Variants in PECAM1 observed in about 807,000 individuals in gnomAD.
PECAM1 encodes the protein platelet endothelial cell adhesion molecule.
Under a neutral mutation model 13.8 loss-of-function variants are expected in PECAM1, and 8 were observed. That is an observed-to-expected ratio of 0.58 (90% CI 0.34 to 1.05). The LOEUF (loss-of-function observed/expected upper bound fraction) is 1.05, where lower values mean the gene tolerates loss of function less well. PECAM1 is among the 50% of genes least tolerant of loss of function. PECAM1 has a pLI of 0.03. For synonymous variants in PECAM1, 136 were observed against 52.6 expected (o/e 2.58, Z -6.86); for missense variants, 304 against 141.2 (o/e 2.15, Z -5.84).
At chr17:64,331,268 C>A (rs2035110747) in intron 14 of PECAM1, among the ~76,000 whole-genome samples, 2 of 151,798 alleles carry the variant, frequency 1.3e-5, no homozygotes, top group African/African-American at 4.8e-5. Context: ...TCACTGCAAC[C>A]TCCATTTCCT....
Position 64,323,547 on chromosome 17 carries a change from C to T in PECAM1, c.*269G>A. The T allele has an allele frequency of 7.1e-7, 1 of 1,404,880 alleles. No individual in the cohort carries two copies. Among genetic ancestry groups the T allele is most frequent in the Non-Finnish European group, 9.2e-7 (1 of 1,081,826 alleles). The allele number at this position is 1,404,880 out of a possible 1,614,324, so 87.0% of individuals were successfully genotyped here. ...TCCCAATGGCCTTGCCCTGGATCTCCTCTTGTGCTCTTCCAATTTCCAAGG... is the reference window on the plus strand; with the variant it reads ...TCCCAATGGCCTTGCCCTGGATCTCTTCTTGTGCTCTTCCAATTTCCAAGG... On this transcript the variant is annotated 3_prime_UTR_variant, in exon 16 of 16. Transcript: ENST00000563924.
In PECAM1 at chr17:64,344,765, A is replaced by G. The variant is rs1598012476; in HGVS notation, c.2108-3075T>C. On this transcript the variant is annotated intron_variant, in intron 13 of 15. Transcript: ENST00000563924. ...CTGAGGCTCAGGCCTGACTTCCCAC[A>G]CTGCTCCTTAGCTGCCAAGGAGGAG... Among the ~76,000 whole-genome samples the G allele has an allele frequency of 3.3e-5, 5 of 152,140 alleles. No individual in the cohort carries two copies. The East Asian group carries it at 5.8e-4, about 18-fold the overall frequency.
chr17:64,360,732 G>T (rs1307527511), intron 6 of PECAM1, among the ~76,000 whole-genome samples: 7 of 150,950 alleles, frequency 4.6e-5, no homozygotes. Flanking sequence ...TATCTCACAC[G>T]CACATGCACA....
Position 64,321,826 on chromosome 17 carries a change from G to A in PECAM1, c.*1990C>T. The A allele has an allele frequency of 1.5e-6, 2 of 1,347,550 alleles. No homozygotes were observed. Among genetic ancestry groups the A allele is most frequent in the Non-Finnish European group, 2.0e-6 (2 of 1,018,018 alleles). The allele number at this position is 1,347,550 out of a possible 1,614,324, so 83.5% of individuals were successfully genotyped here. A position where few individuals can be genotyped will look rare whatever the true frequency, so the allele number is the denominator to read the frequency against. On this transcript the variant is annotated 3_prime_UTR_variant, in exon 16 of 16. Transcript: ENST00000563924. The stretch of plus-strand genomic sequence containing the variant: ...AAGTAAGGCACCAGGAGTAGGAATA[G>A]GGTCTTTGCAGCTCCCGTGGCAATT...
chr17:64,376,773 G>C (rs942143172), intron 3 of PECAM1, among the ~76,000 whole-genome samples: 2 of 152,096 alleles, frequency 1.3e-5, no homozygotes, highest in African/African-American at 4.8e-5. Flanking sequence ...TTAGGAGTTC[G>C]AGACCAGGCT....
In PECAM1 at chr17:64,322,084, T is replaced by G. The variant is rs2034820507; in HGVS notation, c.*1732A>C. On this transcript the variant is annotated 3_prime_UTR_variant, in exon 16 of 16. Coordinates refer to ENST00000563924, the MANE Select transcript of PECAM1 (RefSeq NM_000442.5). Reference sequence around the variant, plus strand: ...AGCTTTCATCATATTGTCAAAAGAGTCTAGGCTGGGCATGGTGGCTCACGC... The same window carrying G: ...AGCTTTCATCATATTGTCAAAAGAGGCTAGGCTGGGCATGGTGGCTCACGC... 9.0e-7 allele frequency: 1 copy of G among 1,114,130 alleles called. No homozygotes were observed. Among genetic ancestry groups the G allele is most frequent in the Non-Finnish European group, 1.1e-6 (1 of 895,226 alleles). The allele number at this position is 1,114,130 out of a possible 1,614,324, so 69.0% of individuals were successfully genotyped here.
chr17:64,355,768 G>C (rs2035831641), intron 8 of PECAM1, among the ~76,000 whole-genome samples: 1 of 152,128 alleles, frequency 6.6e-6, no homozygotes, highest in South Asian at 2.1e-4. Context: ...ACCCACATAA[G>C]TGGGTTCCCC....
intron 5 of PECAM1, among the ~76,000 whole-genome samples, chr17:64,363,741 G>A (rs1431432598): frequency 3.9e-5 from 6 of 152,110 alleles, no homozygotes; most frequent in Non-Finnish European, 7.4e-5. Flanking sequence ...GAGGTCAGGA[G>A]TTGAGACCAG....
In PECAM1 at chr17:64,384,831, G is replaced by A. The variant is rs2036558812; in HGVS notation, c.91+5658C>T. ...TAAGTTTTAGGTAAATTGTTATGCA[G>A]CAATAGGTAACAAATATACCACGCA... On this transcript the variant is annotated intron_variant, in intron 2 of 15. Coordinates refer to ENST00000563924, the MANE Select transcript of PECAM1 (RefSeq NM_000442.5). Among the ~76,000 whole-genome samples, 4 of 152,364 alleles carry A rather than the reference G, an allele frequency of 2.6e-5. No individual in the cohort carries two copies. In the South Asian group the frequency reaches 8.3e-4, roughly 32 times the overall value.
intron 2 of PECAM1, among the ~76,000 whole-genome samples, chr17:64,385,890 A>G (rs2036582683): frequency 6.6e-6 from 1 of 152,222 alleles, no homozygotes; most frequent in Admixed American, 6.5e-5. Flanking sequence ...GTGTGGGGCT[A>G]GAGAGGCCAG....
At chr17:64,364,839 T>A (rs1190808216) in intron 5 of PECAM1, among the ~76,000 whole-genome samples, 3 of 150,860 alleles carry the variant, frequency 2.0e-5, no homozygotes, top group African/African-American at 7.3e-5. Flanking sequence ...ATAAGAGCTA[T>A]CTATGACAAA....
chr17:64,361,729 G>C (rs2035985714), intron 6 of PECAM1, among the ~76,000 whole-genome samples: 1 of 97,576 alleles, frequency 1.0e-5, no homozygotes, highest in African/African-American at 3.2e-5. Flanking sequence ...CTCCAGCCTG[G>C]GTAACAAGAG....
intron 7 of PECAM1, among the ~76,000 whole-genome samples, chr17:64,357,744 C>A (rs1241731805): frequency 6.6e-6 from 1 of 152,152 alleles, no homozygotes; most frequent in Admixed American, 6.5e-5. Flanking sequence ...TCCATTGGAG[C>A]AATTTACTAC....
At position 64,358,145 on chromosome 17, in the gene PECAM1, G is replaced by A. The variant is rs1159774213; in HGVS notation, c.1493-1747C>T. On this transcript the variant is annotated intron_variant, in intron 7 of 15. Coordinates refer to ENST00000563924, the MANE Select transcript of PECAM1 (RefSeq NM_000442.5). ...TTTTTTTTTTTTTTTTTGAGATAGA[G>A]TCTCACTCTGTCACCCAGGCTGGAG... 2.2e-3 allele frequency among the ~76,000 whole-genome samples: 210 copies of A among 94,566 alleles called. 2 individuals are homozygous for A. The highest frequency in any genetic ancestry group is 7.3e-3 in the African/African-American group (201 of 27,590). 62.0% of individuals were successfully genotyped at this position (94,566 alleles called of 152,430 possible). A position where few individuals can be genotyped will look rare whatever the true frequency, so the allele number is the denominator to read the frequency against.
intron 5 of PECAM1, among the ~76,000 whole-genome samples, chr17:64,367,519 C>T (rs1439157588): frequency 7.0e-6 from 1 of 142,878 alleles, no homozygotes; most frequent in Non-Finnish European, 1.5e-5. Flanking sequence ...CACTTCACTG[C>T]AGCCTGGGCA....
At chr17:64,368,519 C>T (rs2036162991) in intron 5 of PECAM1, among the ~76,000 whole-genome samples, 1 of 152,026 alleles carries the variant, frequency 6.6e-6, no homozygotes, top group Non-Finnish European at 1.5e-5. Flanking sequence ...ATTCTTATGC[C>T]TATCTCCTTG....
rs144280130 is a variant in PECAM1, at chr17:64,331,801, G to A, written c.2165-2079C>T. 5.3e-5 allele frequency among the ~76,000 whole-genome samples: 8 copies of A among 152,368 alleles called. No homozygotes were observed. In the East Asian group the frequency reaches 1.5e-3, roughly 29 times the overall value. ...TGGACCCTGACTTGAAGACAGAGAA[G>A]TCATGGGGACCTCACCTGCTGCCTG... On this transcript the variant is annotated intron_variant, in intron 14 of 15. Coordinates refer to ENST00000563924, the MANE Select transcript of PECAM1 (RefSeq NM_000442.5).
At chr17:64,365,890 T>G (rs1363556776) in intron 5 of PECAM1, among the ~76,000 whole-genome samples, 6 of 150,082 alleles carry the variant, frequency 4.0e-5, no homozygotes, top group Non-Finnish European at 6.0e-5. Flanking sequence ...ACCTAGGCAT[T>G]ACCATTCAGG....
chr17:64,342,158 A>AG (rs2035449429), intron 13 of PECAM1, among the ~76,000 whole-genome samples: 4 of 75,418 alleles, frequency 5.3e-5, no homozygotes, highest in Non-Finnish European at 8.8e-5. Flanking sequence ...TCAAAAAAAA[A>AG]AAAAAGAAGA....
Sources: allele counts gnomAD v4.1 joint callset (sites outside exome capture counted in the v4.1 genomes callset), GRCh38; gene constraint gnomAD v4.1.1; transcripts MANE v1.5; gene names NCBI Gene and HGNC (gene_info 2026-07-23, HGNC 2026-07-21).